The following ADAMTS15 variants were observed in gnomAD, a reference collection of about 807,000 sequenced individuals.
ADAMTS15 encodes the protein A disintegrin and metalloproteinase with thrombospondin motifs 15.
In ADAMTS15, 35 loss-of-function variants were observed where a neutral mutation model predicts 79.1. The observed-to-expected ratio is 0.44, with a 90% confidence interval of 0.34 to 0.59. The LOEUF is 0.59. Ranked by LOEUF, ADAMTS15 falls within the 20% of genes least tolerant of loss-of-function variation. The pLI, the probability that ADAMTS15 is intolerant of heterozygous loss-of-function variation, is 0.02. For synonymous variants in ADAMTS15, 616 were observed against 567.3 expected (o/e 1.09, Z -1.22); for missense variants, 1,324 against 1,318.7 (o/e 1.00, Z -0.06).
intron 4 of ADAMTS15, among the ~76,000 whole-genome samples, chr11:130,465,761 G>A (rs1457607770): frequency 2.0e-5 from 3 of 151,572 alleles, no homozygotes; most frequent in African/African-American, 2.4e-5. Flanking sequence ...CTGGAACAGG[G>A]TCTCCACTGC....
rs144259784 is a variant in ADAMTS15, at chr11:130,464,085, T to A, written c.1542+1305T>A. On this transcript the variant is annotated intron_variant, in intron 4 of 7. Transcript: ENST00000299164. ...CAGGGCTGTGTAGATGAGGGCTCTA[T>A]GGGAACCATCTTCAGGAAGGTCATT... 1.0e-3 allele frequency among the ~76,000 whole-genome samples: 158 copies of A among 151,060 alleles called. 2 individuals are homozygous for A. The East Asian group carries it at 0.011, about 10-fold the overall frequency.
chr11:130,462,337 G>T lies in ADAMTS15; in HGVS notation c.1258+83G>T. 1 of 1,516,990 alleles carries T rather than the reference G, an allele frequency of 6.6e-7. No individual in the cohort carries two copies. 94.0% of individuals were successfully genotyped at this position (1,516,990 alleles called of 1,614,324 possible). On this transcript the variant is annotated intron_variant, in intron 3 of 7. Transcript: ENST00000299164. This position sits in a 1 kb window ranked among gnomAD's most constrained non-coding sequence, Gnocchi z 4.3. ...CCCTGGTGGAGGTGCTCACTTCTCC[G>T]TCCTCTGTACATTAGGTGTGTGTGC...
rs927142516 is a variant in ADAMTS15 at position 130,453,594 on chromosome 11, G to C, written c.957+3664G>C. 4.6e-5 allele frequency among the ~76,000 whole-genome samples: 7 copies of C among 151,836 alleles called. No individual in the cohort carries two copies. The East Asian group carries it at 1.4e-3, about 29-fold the overall frequency. On this transcript the variant is annotated intron_variant, in intron 1 of 7. Transcript: ENST00000299164. Reference sequence around the variant, plus strand: ...CTACAGGCCTGCACTACCGTGCCCAGCTAATTTATTTTTGTAGAGACAGGG... The same window carrying C: ...CTACAGGCCTGCACTACCGTGCCCACCTAATTTATTTTTGTAGAGACAGGG...
Position 130,469,375 on chromosome 11 carries a change from C to T in ADAMTS15, c.1656C>T (p.Gly552=). Residue 552 remains glycine, a synonymous_variant, in exon 5 of 8, where the codon GGC becomes GGT. Coordinates refer to ENST00000299164, the MANE Select transcript of ADAMTS15 (RefSeq NM_139055.4). The part of the protein sequence containing the change: ...QCTNPTPANG[G]KYCEGVRVKY... ...CCAACCCCACCCCTGCCAACGGGGG[C>T]AAGTACTGCGAGGGAGTGAGGGTGA... 7.3e-7 allele frequency: 1 copy of T among 1,362,282 alleles called. No homozygotes were observed. Among genetic ancestry groups the T allele is most frequent in the Non-Finnish European group, 9.5e-7 (1 of 1,048,890 alleles). 84.4% of individuals were successfully genotyped at this position (1,362,282 alleles called of 1,614,324 possible). A position where few individuals can be genotyped will look rare whatever the true frequency, so the allele number is the denominator to read the frequency against.
chr11:130,450,133 T>A (rs768101608), intron 1 of ADAMTS15: 107 of 985,328 alleles, frequency 1.1e-4, no homozygotes, highest in Non-Finnish European at 1.3e-4. Flanking sequence ...ATCTGGGCCA[T>A]TGGAGGAGAG....
intron 4 of ADAMTS15, among the ~76,000 whole-genome samples, chr11:130,464,221 A>G (rs1427692764): frequency 6.6e-6 from 1 of 152,180 alleles, no homozygotes; most frequent in African/African-American, 2.4e-5. Context: ...ATGCAGAGAC[A>G]AGGTGAGATA....
chr11:130,461,971 G>C lies in ADAMTS15; in HGVS notation c.1091-116G>C, dbSNP rs1298444413. ...TTTGAAAGCAGTCTGTCGATAGTTG[G>C]CAATGACCAGCCTGAAAACCTCTGA... On this transcript the variant is annotated intron_variant, in intron 2 of 7. Coordinates refer to ENST00000299164, the MANE Select transcript of ADAMTS15 (RefSeq NM_139055.4). 4.1e-6 allele frequency: 5 copies of C among 1,211,612 alleles called. No homozygotes were observed. In the East Asian group the frequency reaches 1.2e-4, roughly 29 times the overall value. 75.1% of individuals were successfully genotyped at this position (1,211,612 alleles called of 1,614,324 possible). A position where few individuals can be genotyped will look rare whatever the true frequency, so the allele number is the denominator to read the frequency against.
At position 130,462,903 on chromosome 11, in the gene ADAMTS15, C is replaced by G; in HGVS notation, c.1542+123C>G. On this transcript the variant is annotated intron_variant, in intron 4 of 7. Coordinates refer to ENST00000299164, the MANE Select transcript of ADAMTS15 (RefSeq NM_139055.4). This position sits in a 1 kb window ranked among gnomAD's most constrained non-coding sequence, Gnocchi z 4.3. The stretch of plus-strand genomic sequence containing the variant: ...TCACAGACTGGCCACGGGACCAGCA[C>G]TGTTGCATGGCTGAGCTGTGCCTTC... 1.5e-6 allele frequency: 2 copies of G among 1,329,952 alleles called. No homozygotes were observed. The highest frequency in any genetic ancestry group is 3.0e-5 in the South Asian group (2 of 66,916). The allele number at this position is 1,329,952 out of a possible 1,614,324, so 82.4% of individuals were successfully genotyped here. A position where few individuals can be genotyped will look rare whatever the true frequency, so the allele number is the denominator to read the frequency against.
At position 130,468,488 on chromosome 11, in the gene ADAMTS15, G is replaced by A. The variant is rs533187334; in HGVS notation, c.1543-774G>A. 1.1e-3 allele frequency among the ~76,000 whole-genome samples: 173 copies of A among 151,450 alleles called. 1 individual carries two copies. Among genetic ancestry groups the A allele is most frequent in the South Asian group, 2.3e-3 (11 of 4,766 alleles). On this transcript the variant is annotated intron_variant, in intron 4 of 7. Coordinates refer to ENST00000299164, the MANE Select transcript of ADAMTS15 (RefSeq NM_139055.4). ...TCTATTAAAAATACAAAATAAGGCC[G>A]GGCGCGGTGGCTCAAGCCTGTAATC... is the stretch of plus-strand genomic sequence containing the variant.
rs2134747577 is a variant in ADAMTS15, at chr11:130,476,483, C to T, written c.*2662C>T. ...AGACACTGACACTCATTGGTAGACC[C>T]TCCCTCCCCGCCGTTGTGTTTGGTT... On this transcript the variant is annotated 3_prime_UTR_variant, in exon 8 of 8. Coordinates refer to ENST00000299164, the MANE Select transcript of ADAMTS15 (RefSeq NM_139055.4). The T allele has an allele frequency of 6.6e-6, 1 of 152,454 alleles. No homozygotes were observed. The highest frequency in any genetic ancestry group is 6.5e-5 in the Admixed American group (1 of 15,302). 9.4% of individuals were successfully genotyped at this position (152,454 alleles called of 1,614,324 possible).
At chr11:130,460,317 C>T (rs1348930633) in intron 1 of ADAMTS15, among the ~76,000 whole-genome samples, 2 of 151,474 alleles carry the variant, frequency 1.3e-5, no homozygotes, top group Non-Finnish European at 1.5e-5. Flanking sequence ...GCTCTTGTCG[C>T]CCACGCTGGA....
chr11:130,456,400 G>A (rs1344551088), intron 1 of ADAMTS15, among the ~76,000 whole-genome samples: 1 of 152,120 alleles, frequency 6.6e-6, no homozygotes, highest in Non-Finnish European at 1.5e-5. Context: ...TGTACATCTG[G>A]AGGGATTTAT....
intron 1 of ADAMTS15, among the ~76,000 whole-genome samples, chr11:130,452,252 C>T (rs1202059820): frequency 6.6e-6 from 1 of 152,150 alleles, no homozygotes; most frequent in East Asian, 1.9e-4. Flanking sequence ...GGTTATACAA[C>T]AAGTATTTTG....
In ADAMTS15 at chr11:130,461,508, C is replaced by T. The variant is rs775104697; in HGVS notation, c.977C>T (p.Thr326Ile). 4 of 1,614,166 alleles carry T rather than the reference C, an allele frequency of 2.5e-6. No individual in the cohort carries two copies. Among genetic ancestry groups the T allele is most frequent in the Admixed American group, 1.7e-5 (1 of 60,020 alleles). Residue 326 changes from threonine to isoleucine, a missense_variant, in exon 2 of 8, where the codon ACC becomes ATC. Physicochemically the swap from Thr to Ile is moderately conservative, Grantham distance 89. Transcript: ENST00000299164. ...FTRQDLCGAT[T>I]CDTLGMADVG... ...CGGCAGGACCTGTGTGGAGCCACCACCTGTGACACCCTGGGCATGGCTGAT... is the reference window on the plus strand; with the variant it reads ...CGGCAGGACCTGTGTGGAGCCACCATCTGTGACACCCTGGGCATGGCTGAT...
intron 1 of ADAMTS15, among the ~76,000 whole-genome samples, chr11:130,456,656 G>C (rs901626298): frequency 6.6e-6 from 1 of 152,116 alleles, no homozygotes; most frequent in East Asian, 1.9e-4. Flanking sequence ...CAGTAATTAT[G>C]GTCTCCTAAC....
intron 1 of ADAMTS15, among the ~76,000 whole-genome samples, chr11:130,456,178 G>A (rs984841036): frequency 6.6e-6 from 1 of 152,144 alleles, no homozygotes; most frequent in African/African-American, 2.4e-5. Context: ...ATGAATGAAG[G>A]CAGATAAAAC....
At chr11:130,469,555 A>G in intron 5 of ADAMTS15, 116 bp downstream of exon 5, 1 of 781,780 alleles carries the variant, frequency 1.3e-6, no homozygotes, top group Non-Finnish European at 1.8e-6. Context: ...TACACAGGTA[A>G]TTCAGGTAGT....
At chr11:130,456,074 G>C (rs1938072360) in intron 1 of ADAMTS15, among the ~76,000 whole-genome samples, 1 of 152,144 alleles carries the variant, frequency 6.6e-6, no homozygotes, top group African/African-American at 2.4e-5. Flanking sequence ...TGGGCTTACT[G>C]TGTGACCCTG....
chr11:130,471,679 T>C (rs151313598), intron 7 of ADAMTS15, among the ~76,000 whole-genome samples: 10 of 152,288 alleles, frequency 6.6e-5, no homozygotes, highest in Non-Finnish European at 1.3e-4. Flanking sequence ...TATAGTGTTC[T>C]AGAGTAAGAC....
Sources: gnomAD v4.1 joint callset for allele counts (sites outside exome capture counted in the v4.1 genomes callset) on GRCh38, gnomAD v4.1.1 for gene constraint, Gnocchi (gnomAD v3.1) non-coding constraint, MANE v1.5 for transcripts, NCBI Gene and HGNC (gene_info 2026-07-23, HGNC 2026-07-21) for gene names.